Variants in CSNK1G1 observed in about 807,000 individuals in gnomAD.
CSNK1G1 encodes the protein casein kinase I isoform gamma-1.
Under a neutral mutation model 59.6 loss-of-function variants are expected in CSNK1G1, and 22 were observed. That is an observed-to-expected ratio of 0.37 (90% CI 0.26 to 0.53). The LOEUF (loss-of-function observed/expected upper bound fraction) is 0.53. Ranked by LOEUF, CSNK1G1 falls within the 20% of genes least tolerant of loss-of-function variation. The pLI is 0.89. For missense variants in CSNK1G1, 384 were observed against 519.5 expected (o/e 0.74, Z 2.54); for synonymous variants, 179 against 177.1 (o/e 1.01, Z -0.08).
At chr15:64,320,328 T>C (rs1031151372) in intron 1 of CSNK1G1, among the ~76,000 whole-genome samples, 1 of 152,106 alleles carries the variant, frequency 6.6e-6, no homozygotes, top group African/African-American at 2.4e-5. Context: ...GCAAAGTGAA[T>C]AGTGGGTGTC....
At chr15:64,191,025 T>A (rs1404554761) in intron 10 of CSNK1G1, among the ~76,000 whole-genome samples, 5 of 152,140 alleles carry the variant, frequency 3.3e-5, no homozygotes, top group Non-Finnish European at 1.5e-5. Context: ...TGCAATTACA[T>A]CTCATGAATG....
intron 3 of CSNK1G1, among the ~76,000 whole-genome samples, chr15:64,252,293 C>CA (rs1450257747): frequency 4.6e-5 from 7 of 151,714 alleles, no homozygotes; most frequent in Non-Finnish European, 1.0e-4. Flanking sequence ...ACACTGCAGT[C>CA]AAAACCTCCC....
chr15:64,324,832 T>G (rs1896760850), intron 1 of CSNK1G1, among the ~76,000 whole-genome samples: 1 of 152,220 alleles, frequency 6.6e-6, no homozygotes, highest in Non-Finnish European at 1.5e-5. Context: ...TAATGGTTCT[T>G]AAGAGTCACT....
chr15:64,258,209 T>C (rs1366384404), intron 3 of CSNK1G1, among the ~76,000 whole-genome samples: 2 of 151,908 alleles, frequency 1.3e-5, no homozygotes, highest in Non-Finnish European at 2.9e-5. Context: ...TGAAATCCCA[T>C]CTCTACAAAA....
intron 2 of CSNK1G1, among the ~76,000 whole-genome samples, chr15:64,263,534 C>T (rs976437611): frequency 6.6e-6 from 1 of 152,134 alleles, no homozygotes. Flanking sequence ...GCTGGGCAGC[C>T]GCTTTTCACA....
In CSNK1G1 at chr15:64,214,049, G is replaced by A. The variant is rs2140264214; in HGVS notation, c.520C>T (p.Arg174Ter). The part of the protein sequence containing the change: ...DVKPENFLIG[R>*]QGNKKEHVIH... ...ACATGCTCTTTCTTATTGCCTTGTC[G>A]ACCAATCAGGAAGTTCTCTGGCTTG... The change falls in exon 6 of 12, where the codon CGA becomes TGA. Residue 174 changes from arginine (R) to a stop codon, truncating the protein, a stop_gained. Coordinates refer to ENST00000303052, the MANE Select transcript of CSNK1G1 (RefSeq NM_022048.5). LOFTEE classifies it high-confidence loss of function. The surrounding 1 kb of genome is among the most constrained non-coding windows in gnomAD (Gnocchi z 4.3). 3 of 1,613,992 alleles carry A rather than the reference G, an allele frequency of 1.9e-6. No homozygotes were observed. Among genetic ancestry groups the A allele is most frequent in the Non-Finnish European group, 2.5e-6 (3 of 1,179,984 alleles).
intron 4 of CSNK1G1, among the ~76,000 whole-genome samples, chr15:64,246,242 C>T (rs185765734): frequency 2.0e-5 from 3 of 152,102 alleles, no homozygotes; most frequent in East Asian, 1.9e-4. Flanking sequence ...AAAAATGAAC[C>T]GCCTACTAGG....
At chr15:64,244,366 TA>T (rs142844348) in intron 4 of CSNK1G1, among the ~76,000 whole-genome samples, 23,719 of 110,844 alleles carry the variant, frequency 0.21, 2,562 homozygotes, top group African/African-American at 0.38. Flanking sequence ...ACTGAAAAAT[TA>T]AAAAAAAAAA....
intron 9 of CSNK1G1, 93 bp from the exon 10 acceptor site, chr15:64,203,282 T>G (rs929482455): frequency 1.2e-6 from 1 of 827,932 alleles, no homozygotes; most frequent in South Asian, 1.4e-5. Flanking sequence ...AATAGAGTAG[T>G]AGTAATTATT....
At chr15:64,204,074 C>T (rs886786239) in intron 9 of CSNK1G1, among the ~76,000 whole-genome samples, 2 of 151,640 alleles carry the variant, frequency 1.3e-5, no homozygotes, top group Non-Finnish European at 2.9e-5. Context: ...ACTCAGGAGG[C>T]GGAGGTTGCA....
intron 4 of CSNK1G1, among the ~76,000 whole-genome samples, chr15:64,231,242 CTT>C (rs1003565464): frequency 6.7e-6 from 1 of 149,960 alleles, no homozygotes; most frequent in African/African-American, 2.4e-5. Context: ...AGGAGAATCT[CTT>C]GAGCCCAGGA....
chr15:64,355,724 A>C (rs1175400725), intron 1 of CSNK1G1, among the ~76,000 whole-genome samples: 3 of 151,430 alleles, frequency 2.0e-5, no homozygotes, highest in African/African-American at 7.3e-5. Context: ...CCCGGTCCAC[A>C]CCGGCTAGAG....
intron 4 of CSNK1G1, among the ~76,000 whole-genome samples, chr15:64,226,115 A>G (rs1442326477): frequency 6.6e-6 from 1 of 152,234 alleles, no homozygotes; most frequent in African/African-American, 2.4e-5. Flanking sequence ...TGGACAACTC[A>G]CAGTCAAGAC....
chr15:64,276,902 G>A (rs1395794939), intron 2 of CSNK1G1, among the ~76,000 whole-genome samples: 2 of 147,702 alleles, frequency 1.4e-5, no homozygotes, highest in Middle Eastern at 3.3e-3. Context: ...AGCCAAGATC[G>A]CACCAGTGCA....
At chr15:64,222,527 C>T (rs1327620310) in intron 4 of CSNK1G1, among the ~76,000 whole-genome samples, 2 of 151,302 alleles carry the variant, frequency 1.3e-5, no homozygotes, top group East Asian at 1.9e-4. Context: ...CTTCTAGCTA[C>T]CTTCTGGGTT....
At position 64,231,446 on chromosome 15, in the gene CSNK1G1, T is replaced by TAC. The variant is rs538997190; in HGVS notation, c.293-14735_293-14734dup. ...ATATATATTAGGATATATATATATA[T>TAC]ACACACACACATATACATATATATA... On this transcript the variant is annotated intron_variant, in intron 4 of 11. Coordinates refer to ENST00000303052, the MANE Select transcript of CSNK1G1 (RefSeq NM_022048.5). Among the ~76,000 whole-genome samples the TAC allele has an allele frequency of 2.7e-3, 399 of 148,656 alleles. 2 individuals are homozygous for TAC. Among genetic ancestry groups the TAC allele is most frequent in the Middle Eastern group, 3.5e-3 (1 of 282 alleles).
rs1002964020 is a variant in CSNK1G1, at chr15:64,181,494, G to A, written c.1108-1040C>T. 59 of 1,377,024 alleles carry A rather than the reference G, an allele frequency of 4.3e-5. No homozygotes were observed. The African/African-American group carries it at 8.0e-4, about 19-fold the overall frequency. The allele number at this position is 1,377,024 out of a possible 1,614,324, so 85.3% of individuals were successfully genotyped here. A position where few individuals can be genotyped will look rare whatever the true frequency, so the allele number is the denominator to read the frequency against. On this transcript the variant is annotated intron_variant, in intron 10 of 11. Transcript: ENST00000303052. ...TTGGATATCATATGCCCTTGGATAA[G>A]TACTTCCATCTATTTGAGATTGTTT...
Position 64,204,566 on chromosome 15 carries a change from A to G in CSNK1G1, c.874T>C (p.Tyr292His). The G allele has an allele frequency of 6.2e-7, 1 of 1,613,844 alleles. No individual in the cohort carries two copies. The highest frequency in any genetic ancestry group is 8.5e-7 in the Non-Finnish European group (1 of 1,179,954). Residue 292 changes from tyrosine (Y) to histidine (H), a missense_variant, in exon 9 of 12, where the codon TAT becomes CAT. Physicochemically the swap from Tyr to His is moderately conservative, Grantham distance 83. This residue lies in a region of CSNK1G1 where 325 missense variants were observed against 440.9 expected (regional missense o/e 0.74). Coordinates refer to ENST00000303052, the MANE Select transcript of CSNK1G1 (RefSeq NM_022048.5). ...FPEEMATYLR[Y>H]VRRLDFFEKP... ...TCAAAGAAGTCCAGTCGCCTGACAT[A>G]TCGAAGGTAGGTTGCCATCTCCTCT...
At chr15:64,352,028 CG>C (rs1898321882) in intron 1 of CSNK1G1, among the ~76,000 whole-genome samples, 2 of 151,944 alleles carry the variant, frequency 1.3e-5, no homozygotes, top group Non-Finnish European at 2.9e-5. Context: ...CACAGCAGGC[CG>C]GGCAGGGCAG....
Sources: gnomAD v4.1 joint callset for allele counts (sites outside exome capture counted in the v4.1 genomes callset) on GRCh38, gnomAD v4.1.1 for gene constraint, gnomAD v4.1.1 regional missense constraint, Gnocchi (gnomAD v3.1) non-coding constraint, MANE v1.5 for transcripts, NCBI Gene and HGNC (gene_info 2026-07-23, HGNC 2026-07-21) for gene names.